The following PEX14 variants were observed in gnomAD, a reference collection of about 807,000 sequenced individuals.
PEX14 encodes peroxisomal biogenesis factor 14, also known as peroxisomal membrane protein PEX14.
In PEX14, 15 loss-of-function variants were observed where a neutral mutation model predicts 49.5. The ratio of observed to expected loss-of-function variants is 0.30; its 90% CI spans 0.20 to 0.47. The LOEUF is 0.47. Among genes scored for constraint, PEX14 ranks in the 20% least tolerant of loss-of-function variants. The pLI, the probability that PEX14 is intolerant of heterozygous loss-of-function variation, is 1.00. For missense variants in PEX14, 398 were observed against 494.8 expected, an observed-to-expected ratio of 0.80 and a Z score of 1.86; for synonymous variants, 210 against 212.7, an observed-to-expected ratio of 0.99 and a Z score of 0.11.
At chr1:10,577,529 CATAT>C (rs1312391529) in intron 3 of PEX14, among the ~76,000 whole-genome samples, 1,723 of 42,898 alleles carry the variant, frequency 0.04, 61 homozygotes, top group African/African-American at 0.064. Flanking sequence ...GGACACTATA[CATAT>C]ATATATATAT....
intron 4 of PEX14, among the ~76,000 whole-genome samples, chr1:10,606,327 G>C (rs924810550): frequency 6.6e-6 from 1 of 152,218 alleles, no homozygotes; most frequent in Non-Finnish European, 1.5e-5. Context: ...GGGAGAAAGC[G>C]GGAAAAGGGC....
intron 3 of PEX14, among the ~76,000 whole-genome samples, chr1:10,578,652 T>C (rs1485893804): frequency 6.6e-6 from 1 of 152,010 alleles, no homozygotes. Context: ...TATGAACAAA[T>C]ATGTTAAAAG....
chr1:10,548,966 T>C (rs1324256206), intron 3 of PEX14, among the ~76,000 whole-genome samples: 1 of 152,230 alleles, frequency 6.6e-6, no homozygotes, highest in Non-Finnish European at 1.5e-5. Flanking sequence ...TTATTCTTTT[T>C]AGTTTTAAAG....
rs748529438 is a variant in PEX14 at position 10,529,452 on chromosome 1, G to T, written c.85-6761G>T. Among the ~76,000 whole-genome samples, 6 of 152,220 alleles carry T rather than the reference G, an allele frequency of 3.9e-5. No individual in the cohort carries two copies. Among genetic ancestry groups the T allele is most frequent in the African/African-American group, 1.4e-4 (6 of 41,452 alleles). On this transcript the variant is annotated intron_variant, in intron 2 of 8. Coordinates refer to ENST00000356607, the MANE Select transcript of PEX14 (RefSeq NM_004565.3). This position sits in a 1 kb window ranked among gnomAD's most constrained non-coding sequence, Gnocchi z 4.2. The stretch of plus-strand genomic sequence containing the variant: ...ACTGTCCCTTGACATTAAATAGTGC[G>T]TGGTGGTTTAAGATGCTTTTTATTT...
At chr1:10,554,303 C>CAAAAA (rs61712771) in intron 3 of PEX14, among the ~76,000 whole-genome samples, 1 of 121,862 alleles carries the variant, frequency 8.2e-6, no homozygotes, top group Non-Finnish European at 1.7e-5. Context: ...GACTCCGTCT[C>CAAAAA]AAAAAAAAAA....
At chr1:10,515,395 C>T (rs1046754510) in intron 2 of PEX14, among the ~76,000 whole-genome samples, 1 of 151,954 alleles carries the variant, frequency 6.6e-6, no homozygotes, top group Non-Finnish European at 1.5e-5. Context: ...AACATTAAAG[C>T]GCAAGCAGGA....
At chr1:10,559,909 T>G (rs1319247332) in intron 3 of PEX14, among the ~76,000 whole-genome samples, 1 of 152,134 alleles carries the variant, frequency 6.6e-6, no homozygotes, top group Non-Finnish European at 1.5e-5. Flanking sequence ...CCTCCCCTGG[T>G]CCACTCTGCG....
At chr1:10,563,532 G>A (rs780682905) in intron 3 of PEX14, among the ~76,000 whole-genome samples, 14 of 152,148 alleles carry the variant, frequency 9.2e-5, no homozygotes, top group Non-Finnish European at 1.5e-4. Flanking sequence ...GGCGGAGGCC[G>A]GAGAATCCCT....
chr1:10,487,432 G>A (rs1027878720), intron 1 of PEX14, among the ~76,000 whole-genome samples: 1 of 141,258 alleles, frequency 7.1e-6, no homozygotes, highest in African/African-American at 2.6e-5. Flanking sequence ...TGGACGTAGA[G>A]TTTTCTTTTT....
chr1:10,589,777 G>A (rs531272458), intron 3 of PEX14, among the ~76,000 whole-genome samples: 93 of 152,252 alleles, frequency 6.1e-4, no homozygotes, highest in Admixed American at 1.1e-3. Context: ...TGAGTCAAAG[G>A]TATGAACATT....
intron 1 of PEX14, among the ~76,000 whole-genome samples, chr1:10,477,949 C>T (rs879777868): frequency 6.6e-6 from 1 of 152,044 alleles, no homozygotes; most frequent in South Asian, 2.1e-4. Flanking sequence ...AGTGCAGTGG[C>T]GCGATCTCGG....
chr1:10,496,911 C>G (rs1315864510), intron 2 of PEX14, among the ~76,000 whole-genome samples: 1 of 151,668 alleles, frequency 6.6e-6, no homozygotes, highest in Admixed American at 6.6e-5. Context: ...CTCCTCTTTA[C>G]GTACTTGCTG....
chr1:10,503,386 A>G (rs1046610769), intron 2 of PEX14, among the ~76,000 whole-genome samples: 2 of 151,112 alleles, frequency 1.3e-5, no homozygotes, highest in African/African-American at 4.8e-5. Flanking sequence ...CCAATACAAC[A>G]GTCAGCGGTT....
At position 10,573,996 on chromosome 1, in the gene PEX14, G is replaced by A. The variant is rs370604532; in HGVS notation, c.170-25242G>A. Among the ~76,000 whole-genome samples, 4 of 152,168 alleles carry A rather than the reference G, an allele frequency of 2.6e-5. 1 individual carries two copies. The highest frequency in any genetic ancestry group is 1.9e-4 in the East Asian group (1 of 5,188). On this transcript the variant is annotated intron_variant, in intron 3 of 8. Coordinates refer to ENST00000356607, the MANE Select transcript of PEX14 (RefSeq NM_004565.3). ...CATACCTGTAATTCCCTGCTACTCCGGAGGCTGAGGCAGGATAATCGCTTG... is the reference window on the plus strand; with the variant it reads ...CATACCTGTAATTCCCTGCTACTCCAGAGGCTGAGGCAGGATAATCGCTTG...
chr1:10,503,397 T>C (rs1641722029), intron 2 of PEX14, among the ~76,000 whole-genome samples: 1 of 151,012 alleles, frequency 6.6e-6, no homozygotes, highest in Admixed American at 6.6e-5. Flanking sequence ...GTCAGCGGTT[T>C]TCAAACTGGG....
intron 2 of PEX14, among the ~76,000 whole-genome samples, chr1:10,535,502 G>T (rs1329879064): frequency 1.3e-5 from 2 of 152,206 alleles, no homozygotes; most frequent in East Asian, 3.8e-4. Flanking sequence ...ATGGCAGTGG[G>T]TGTTGTCTCC....
intron 5 of PEX14, among the ~76,000 whole-genome samples, chr1:10,619,456 A>G (rs1570361158): frequency 6.6e-6 from 1 of 151,528 alleles, no homozygotes; most frequent in Non-Finnish European, 1.5e-5. Context: ...AGCTGGGATT[A>G]TAGGCGTGCT....
intron 8 of PEX14, among the ~76,000 whole-genome samples, chr1:10,627,988 T>A (rs1641799884): frequency 6.6e-6 from 1 of 152,182 alleles, no homozygotes; most frequent in Non-Finnish European, 1.5e-5. Context: ...CAGGCTGCAG[T>A]GCAGTGGCAC....
intron 3 of PEX14, among the ~76,000 whole-genome samples, chr1:10,563,066 C>T (rs1639696779): frequency 7.2e-6 from 1 of 139,570 alleles, no homozygotes; most frequent in Non-Finnish European, 1.5e-5. Context: ...TGCACACCAC[C>T]ATGCCTGGCT....
Sources: allele counts gnomAD v4.1 joint callset (sites outside exome capture counted in the v4.1 genomes callset), GRCh38; gene constraint gnomAD v4.1.1; non-coding constraint Gnocchi (gnomAD v3.1); transcripts MANE v1.5; gene names NCBI Gene and HGNC (gene_info 2026-07-23, HGNC 2026-07-21).